LIPC: variants seen among roughly 807,000 people sequenced by gnomAD.
LIPC encodes the protein hepatic triacylglycerol lipase.
LIPC carries 44 observed loss-of-function variants against 50.7 expected under a neutral mutation model. The observed-to-expected ratio is 0.87, with a 90% CI of 0.68 to 1.11. LIPC has a LOEUF of 1.11. Ranked by LOEUF, LIPC falls within the 50% of genes most tolerant of loss-of-function variation. LIPC has a pLI of 0.00. For missense variants in LIPC, 697 were observed against 648.2 expected (o/e 1.08, Z -0.82); for synonymous variants, 271 against 256.4 (o/e 1.06, Z -0.54).
rs10716717 is a variant in LIPC at position 58,496,743 on chromosome 15, C to CAAAA, written c.89-41576_89-41573dup. Among the ~76,000 whole-genome samples the CAAAA allele has an allele frequency of 3.4e-4, 39 of 114,180 alleles. 1 individual carries two copies. The highest frequency in any genetic ancestry group is 1.9e-3 in the East Asian group (7 of 3,620). The allele number at this position is 114,180 out of a possible 152,430, so 74.9% of individuals were successfully genotyped here. On this transcript the variant is annotated intron_variant, in intron 1 of 8. Transcript: ENST00000299022. ...GCCCTGCTACAGAAGTCTTCCCCCT[C>CAAAA]AAAAAAAAAAAAAAAAATTAAGATG...
chr15:58,471,332 G>GGGA (rs1555399306), intron 1 of LIPC, among the ~76,000 whole-genome samples: 30 of 138,740 alleles, frequency 2.2e-4, no homozygotes, highest in African/African-American at 2.3e-4. Flanking sequence ...TAGAGATGGG[G>GGGA]GGGGGTGGTC....
At chr15:58,547,689 G>T (rs1168329578) in intron 5 of LIPC, among the ~76,000 whole-genome samples, 1 of 105,044 alleles carries the variant, frequency 9.5e-6, no homozygotes, top group African/African-American at 3.4e-5. Flanking sequence ...GCTTGTTTTG[G>T]GGGTGAGGCC....
At chr15:58,481,947 GCCTAT>G (rs1202312690) in intron 1 of LIPC, among the ~76,000 whole-genome samples, 117 of 152,328 alleles carry the variant, frequency 7.7e-4, no homozygotes, top group African/African-American at 2.8e-3. Context: ...ACTTGTATGT[GCCTAT>G]CCTGTCTCCA....
intron 1 of LIPC, among the ~76,000 whole-genome samples, chr15:58,520,101 G>C (rs1206089793): frequency 6.9e-6 from 1 of 144,454 alleles, no homozygotes; most frequent in African/African-American, 2.6e-5. Context: ...CGGCACCTCA[G>C]GTTTTGGGCT....
At chr15:58,492,168 T>C (rs1298249423) in intron 1 of LIPC, among the ~76,000 whole-genome samples, 2 of 152,140 alleles carry the variant, frequency 1.3e-5, no homozygotes, top group East Asian at 3.9e-4. Context: ...AGATGGCCTG[T>C]GGCCCACCCT....
intron 1 of LIPC, among the ~76,000 whole-genome samples, chr15:58,472,378 C>T (rs1419640964): frequency 6.6e-6 from 1 of 151,490 alleles, no homozygotes; most frequent in East Asian, 1.9e-4. Flanking sequence ...TGTTCAAGAC[C>T]AGCCTGACCA....
intron 1 of LIPC, among the ~76,000 whole-genome samples, chr15:58,515,525 T>TACAC (rs75583887): frequency 0.026 from 3,761 of 141,964 alleles, 226 homozygotes; most frequent in Admixed American, 0.13. Context: ...TCTTTGCATA[T>TACAC]ACACACACAT....
intron 1 of LIPC, among the ~76,000 whole-genome samples, chr15:58,450,538 A>G (rs1163531280): frequency 2.6e-5 from 4 of 152,220 alleles, no homozygotes; most frequent in Non-Finnish European, 5.9e-5. Context: ...TCAGTGAACA[A>G]TGTGCAATTT....
At chr15:58,518,291 T>C (rs1459979650) in intron 1 of LIPC, among the ~76,000 whole-genome samples, 1 of 152,186 alleles carries the variant, frequency 6.6e-6, no homozygotes, top group African/African-American at 2.4e-5. Flanking sequence ...TACCCCTCAG[T>C]TGAAAACCAC....
chr15:58,504,600 A>G (rs1195310528), intron 1 of LIPC, among the ~76,000 whole-genome samples: 1 of 152,120 alleles, frequency 6.6e-6, no homozygotes, highest in Non-Finnish European at 1.5e-5. Context: ...GCCTTCTCCC[A>G]CTTCCAACAA....
At chr15:58,463,162 G>T (rs971725561) in intron 1 of LIPC, among the ~76,000 whole-genome samples, 6 of 152,192 alleles carry the variant, frequency 3.9e-5, no homozygotes, top group African/African-American at 7.2e-5. Flanking sequence ...CTGCACGTTG[G>T]GATGGTGTTT....
intron 6 of LIPC, among the ~76,000 whole-genome samples, chr15:58,551,927 C>G (rs1236232714): frequency 2.6e-5 from 4 of 152,206 alleles, no homozygotes; most frequent in Non-Finnish European, 5.9e-5. Flanking sequence ...TACACCAGAA[C>G]TCGGGTAAAC....
chr15:58,552,985 A>G (rs2140936876), intron 6 of LIPC, among the ~76,000 whole-genome samples: 1 of 152,314 alleles, frequency 6.6e-6, no homozygotes, highest in Non-Finnish European at 1.5e-5. Context: ...ATGACACCCG[A>G]TTAACACCTT....
At chr15:58,566,099 G>A (rs1894357110) in intron 8 of LIPC, 1 of 974,126 alleles carries the variant, frequency 1.0e-6, no homozygotes, top group African/African-American at 1.8e-5. Context: ...GTGAGTCTGG[G>A]GTGAGCCTGA....
At chr15:58,467,449 T>C (rs1894610451) in intron 1 of LIPC, among the ~76,000 whole-genome samples, 1 of 152,174 alleles carries the variant, frequency 6.6e-6, no homozygotes, top group African/African-American at 2.4e-5. Flanking sequence ...AGCAATGTTA[T>C]CCTTTCTTCA....
At chr15:58,543,466 T>C (rs1893409568) in intron 4 of LIPC, among the ~76,000 whole-genome samples, 1 of 152,144 alleles carries the variant, frequency 6.6e-6, no homozygotes, top group African/African-American at 2.4e-5. Context: ...CATGGCCTCT[T>C]GTGCCTCTGG....
chr15:58,489,583 C>T (rs566276561), intron 1 of LIPC, among the ~76,000 whole-genome samples: 177 of 152,090 alleles, frequency 1.2e-3, no homozygotes, highest in African/African-American at 4.0e-3. Flanking sequence ...GCCTCAAGTC[C>T]GGATGTAGTC....
At chr15:58,508,446 C>T (rs1245309787) in intron 1 of LIPC, among the ~76,000 whole-genome samples, 2 of 152,200 alleles carry the variant, frequency 1.3e-5, no homozygotes, top group Non-Finnish European at 2.9e-5. Context: ...GCGAGTCTTA[C>T]TCGCTGTGGT....
intron 1 of LIPC, among the ~76,000 whole-genome samples, chr15:58,478,083 C>T (rs1891059439): frequency 1.3e-5 from 2 of 152,180 alleles, no homozygotes; most frequent in Admixed American, 6.5e-5. Context: ...TGTACCCAAG[C>T]TTGGCCCATC....
Sources: gnomAD v4.1 joint callset for allele counts (sites outside exome capture counted in the v4.1 genomes callset) on GRCh38, gnomAD v4.1.1 for gene constraint, MANE v1.5 for transcripts, NCBI Gene and HGNC (gene_info 2026-07-23, HGNC 2026-07-21) for gene names.